Variants in SEC14L4 observed in about 807,000 individuals in gnomAD.
The protein encoded by SEC14L4 is SEC14-like protein 4.
Under a neutral mutation model 55.1 loss-of-function variants are expected in SEC14L4, and 42 were observed. The observed-to-expected ratio is 0.76, with a 90% CI of 0.60 to 0.99. The LOEUF is 0.99. SEC14L4 is among the 50% of genes least tolerant of loss of function. The pLI, the probability that SEC14L4 is intolerant of heterozygous loss-of-function variation, is 0.00. For synonymous variants in SEC14L4, 206 were observed against 206.8 expected (o/e 1.00, Z 0.03); for missense variants, 445 against 512.1 (o/e 0.87, Z 1.27).
At chr22:30,495,182 G>C in intron 5 of SEC14L4, 72 bp downstream of exon 5, 1 of 1,407,084 alleles carries the variant, frequency 7.1e-7, no homozygotes. Flanking sequence ...GGGAGGGGCA[G>C]GGTGCCACCC....
intron 2 of SEC14L4, among the ~76,000 whole-genome samples, chr22:30,500,926 T>G (rs908366500): frequency 6.6e-6 from 1 of 151,210 alleles, no homozygotes; most frequent in Non-Finnish European, 1.5e-5. Flanking sequence ...TCAGGCAGAG[T>G]GGCTCATACC....
chr22:30,493,063 G>A (rs1354864500), intron 7 of SEC14L4, among the ~76,000 whole-genome samples: 1 of 144,064 alleles, frequency 6.9e-6, no homozygotes, highest in Non-Finnish European at 1.5e-5. Context: ...CAGCCTGGGT[G>A]AGAGAGTGAG....
rs1936007250 is a variant in SEC14L4, at chr22:30,492,786, A to G, written c.581-229T>C. On this transcript the variant is annotated intron_variant, in intron 7 of 11. Coordinates refer to ENST00000255858, the MANE Select transcript of SEC14L4 (RefSeq NM_174977.4). Reference sequence around the variant, plus strand: ...CACCTGGCACAGTTCCTGGCTTTCAATAAATGGTTGTCTCAGGCCAGGCGC... The same window carrying G: ...CACCTGGCACAGTTCCTGGCTTTCAGTAAATGGTTGTCTCAGGCCAGGCGC... 2 of 489,598 alleles carry G rather than the reference A, an allele frequency of 4.1e-6. 1 individual carries two copies. Among genetic ancestry groups the G allele is most frequent in the East Asian group, 7.0e-5 (2 of 28,734 alleles). The allele number at this position is 489,598 out of a possible 1,614,324, so 30.3% of individuals were successfully genotyped here.
chr22:30,498,038 G>A (rs1480577364), intron 2 of SEC14L4, among the ~76,000 whole-genome samples: 1 of 151,226 alleles, frequency 6.6e-6, no homozygotes, highest in African/African-American at 2.4e-5. Flanking sequence ...GATTTTTGCT[G>A]TACAGGTCTT....
At chr22:30,501,844 C>CACAT (rs1491252332) in intron 2 of SEC14L4, among the ~76,000 whole-genome samples, 2 of 50,282 alleles carry the variant, frequency 4.0e-5, no homozygotes, top group Non-Finnish European at 7.0e-5. Context: ...CACACACACG[C>CACAT]ACATATATAT....
At chr22:30,497,346 C>T (rs1936183202) in intron 2 of SEC14L4, among the ~76,000 whole-genome samples, 1 of 150,772 alleles carries the variant, frequency 6.6e-6, no homozygotes, top group Non-Finnish European at 1.5e-5. Context: ...TCTCAAACAA[C>T]AACAACAACA....
At chr22:30,503,185 G>A (rs1207182878) in intron 2 of SEC14L4, among the ~76,000 whole-genome samples, 1 of 152,178 alleles carries the variant, frequency 6.6e-6, no homozygotes, top group African/African-American at 2.4e-5. Flanking sequence ...GCTCAGTGGG[G>A]TTTTGTGCTG....
chr22:30,489,646 C>A lies in SEC14L4; in HGVS notation c.*461G>T, dbSNP rs1935887810. 1 of 599,058 alleles carries A rather than the reference C, an allele frequency of 1.7e-6. No individual in the cohort carries two copies. Among genetic ancestry groups the A allele is most frequent in the East Asian group, 2.8e-5 (1 of 35,956 alleles). 37.1% of individuals were successfully genotyped at this position (599,058 alleles called of 1,614,324 possible). ...GCTGCCTCCAGCTGGGCCTGCCCAC[C>A]CCTGCTGACCTCCTACATGCAGAGA... On this transcript the variant is annotated 3_prime_UTR_variant, in exon 12 of 12. Coordinates refer to ENST00000255858, the MANE Select transcript of SEC14L4 (RefSeq NM_174977.4).
In SEC14L4 at chr22:30,501,832, TACACACACACGCAC is replaced by T. The variant is rs532669229; in HGVS notation, c.130+1831_130+1844del. On this transcript the variant is annotated intron_variant, in intron 2 of 11. Coordinates refer to ENST00000255858, the MANE Select transcript of SEC14L4 (RefSeq NM_174977.4). ...AAAAATTAAAGTTTTTATATATATA[TACACACACACGCAC>T]ATATATATATATATATATATATATA... Among the ~76,000 whole-genome samples the T allele has an allele frequency of 2.1e-3, 253 of 118,486 alleles. 3 individuals are homozygous for T. The highest frequency in any genetic ancestry group is 7.6e-3 in the African/African-American group (227 of 29,788). 77.7% of individuals were successfully genotyped at this position (118,486 alleles called of 152,430 possible).
At chr22:30,505,131 C>CAAA (rs528308322) in intron 1 of SEC14L4, among the ~76,000 whole-genome samples, 2 of 69,178 alleles carry the variant, frequency 2.9e-5, no homozygotes, top group Admixed American at 1.7e-4. Context: ...GACTCCATCT[C>CAAA]AAAAAAAAAA....
chr22:30,491,389 TC>T (rs1370290390), intron 11 of SEC14L4, 183 bp downstream of exon 11: 316 of 665,732 alleles, frequency 4.7e-4, no homozygotes, highest in Non-Finnish European at 4.0e-5. Context: ...TACCAGCTCT[TC>T]CCCCACAATG....
In SEC14L4 at chr22:30,495,307, G is replaced by A. The variant is rs9606739; in HGVS notation, c.370C>T (p.Arg124Cys). 496 of 1,613,544 alleles carry A rather than the reference G, an allele frequency of 3.1e-4. 1 individual carries two copies. Among genetic ancestry groups the A allele is most frequent in the Middle Eastern group, 1.5e-3 (9 of 6,062 alleles). Residue 124 changes from arginine to cysteine, a missense_variant, in exon 5 of 12, where the codon CGC becomes TGC. Arg to Cys is a radical substitution (Grantham distance 180). Coordinates refer to ENST00000255858, the MANE Select transcript of SEC14L4 (RefSeq NM_174977.4). ...SASKQDMIRKRIKVCELLLHE... is the reference protein window; with the variant it reads ...SASKQDMIRKCIKVCELLLHE... ...AACAGCAGCTCACAGACTTTGATGCGCTTCCGGATCATATCCTGCTTGGAG... is the reference window on the plus strand; with the variant it reads ...AACAGCAGCTCACAGACTTTGATGCACTTCCGGATCATATCCTGCTTGGAG...
intron 7 of SEC14L4, 41 bp downstream of exon 7, chr22:30,494,109 G>C: frequency 6.8e-7 from 1 of 1,478,426 alleles, no homozygotes; most frequent in Non-Finnish European, 9.5e-7. Flanking sequence ...CCCAATTCCT[G>C]CTTCTCCCTC....
At chr22:30,503,553 G>A (rs541647144) in intron 2 of SEC14L4, 124 bp downstream of exon 2, 29 of 552,436 alleles carry the variant, frequency 5.2e-5, no homozygotes, top group Admixed American at 8.7e-5. Context: ...GTGAGCCACC[G>A]GGCCCGGCAA....
chr22:30,493,231 T>C (rs1466056159), intron 7 of SEC14L4, among the ~76,000 whole-genome samples: 2 of 152,198 alleles, frequency 1.3e-5, no homozygotes, highest in Admixed American at 1.3e-4. Context: ...CTCCAGGTTG[T>C]CTGGAATCTT....
chr22:30,495,760 G>A, intron 3 of SEC14L4, 118 bp from the exon 4 acceptor site: 3 of 1,605,364 alleles, frequency 1.9e-6, no homozygotes, highest in Non-Finnish European at 2.6e-6. Flanking sequence ...TCAGAGCGTG[G>A]GGACAGGAGG....
chr22:30,491,510 G>A (rs749587670), intron 11 of SEC14L4, 63 bp downstream of exon 11: 1 of 1,594,692 alleles, frequency 6.3e-7, no homozygotes, highest in Non-Finnish European at 8.6e-7. Context: ...GAGCTGGAAA[G>A]AGAGGGCAAG....
chr22:30,495,714 C>G (rs767531501), intron 3 of SEC14L4, 72 bp from the exon 4 acceptor site: 25 of 1,611,640 alleles, frequency 1.6e-5, no homozygotes, highest in Non-Finnish European at 2.0e-5. Flanking sequence ...CCTCTGCCCA[C>G]AGCCACCAAG....
rs528348207 is a variant in SEC14L4, at chr22:30,495,393, C to A, written c.284G>T (p.Gly95Val). The change falls in exon 5 of 12, where the codon GGC becomes GTC. Residue 95 changes from glycine to valine, a missense_variant. Coordinates refer to ENST00000255858, the MANE Select transcript of SEC14L4 (RefSeq NM_174977.4). ...SGGLCGYDYE[G>V]CPVYFNIIGS... ...AATGATGTTGAAGTACACAGGGCAGCCTTCGTAGTCGTAGCCACAAAGACC... is the reference window on the plus strand; with the variant it reads ...AATGATGTTGAAGTACACAGGGCAGACTTCGTAGTCGTAGCCACAAAGACC... The A allele has an allele frequency of 1.2e-6, 2 of 1,614,066 alleles. No homozygotes were observed. The highest frequency in any genetic ancestry group is 1.1e-5 in the South Asian group (1 of 91,064).
Sources: gnomAD v4.1 joint callset for allele counts (sites outside exome capture counted in the v4.1 genomes callset) on GRCh38, gnomAD v4.1.1 for gene constraint, MANE v1.5 for transcripts, NCBI Gene and HGNC (gene_info 2026-07-23, HGNC 2026-07-21) for gene names.